HCK: variants seen among roughly 807,000 people sequenced by gnomAD.
The protein encoded by HCK is HCK proto-oncogene, Src family tyrosine kinase, also known as tyrosine-protein kinase HCK.
HCK carries 40 observed loss-of-function variants against 70.4 expected under a neutral mutation model. The ratio of observed to expected loss-of-function variants is 0.57; its 90% CI spans 0.44 to 0.74. The LOEUF is 0.74. Among genes scored for constraint, HCK ranks in the 30% least tolerant of loss-of-function variants. HCK has a pLI of 0.00. For synonymous variants in HCK, 245 were observed against 263.2 expected (o/e 0.93, Z 0.67); for missense variants, 568 against 697.2 (o/e 0.81, Z 2.09).
intron 1 of HCK, 151 bp from the exon 2 acceptor site, chr20:32,071,510 GA>G: frequency 1.1e-6 from 1 of 925,366 alleles, no homozygotes; most frequent in Non-Finnish European, 1.7e-6. Flanking sequence ...ATGTGGGGAG[GA>G]TAAGGGTGCA....
At chr20:32,101,013 A>T (rs1569019719) in intron 12 of HCK, among the ~76,000 whole-genome samples, 1 of 152,214 alleles carries the variant, frequency 6.6e-6, no homozygotes, top group Non-Finnish European at 1.5e-5. Context: ...AGTATCTCAC[A>T]GTGTTCAAAG....
intron 11 of HCK, among the ~76,000 whole-genome samples, chr20:32,096,389 C>T (rs376837308): frequency 6.7e-6 from 1 of 150,230 alleles, no homozygotes; most frequent in African/African-American, 2.4e-5. Context: ...CCCAGCTACT[C>T]GGGAGGCTGA....
At chr20:32,087,743 G>A (rs928278784) in intron 9 of HCK, among the ~76,000 whole-genome samples, 2 of 151,930 alleles carry the variant, frequency 1.3e-5, no homozygotes, top group African/African-American at 2.4e-5. Flanking sequence ...CCAGGTTCAC[G>A]CCATTCTCCT....
intron 11 of HCK, among the ~76,000 whole-genome samples, chr20:32,094,839 A>C (rs1211938253): frequency 2.0e-5 from 3 of 147,764 alleles, no homozygotes; most frequent in African/African-American, 7.4e-5. Flanking sequence ...GAAAGAAAGA[A>C]AGAAAGAAAG....
chr20:32,084,299 G>T, intron 7 of HCK, 92 bp from the exon 8 acceptor site: 1 of 1,353,082 alleles, frequency 7.4e-7, no homozygotes. Context: ...ACACTGGAGA[G>T]ATCCAGTGGA....
At chr20:32,073,904 T>G in intron 4 of HCK, 86 bp downstream of exon 4, 2 of 744,316 alleles carry the variant, frequency 2.7e-6, no homozygotes, top group Non-Finnish European at 4.8e-6. Flanking sequence ...AAGAACCTGA[T>G]AGATGGGCTA....
At chr20:32,098,863 G>C (rs2045992824) in intron 11 of HCK, 141 bp from the exon 12 acceptor site, 9 of 862,058 alleles carry the variant, frequency 1.0e-5, no homozygotes, top group Non-Finnish European at 1.6e-5. Context: ...TGCTTCCACA[G>C]GGAGGCCACG....
At chr20:32,054,897 A>T (rs925805306) in intron 1 of HCK, among the ~76,000 whole-genome samples, 5 of 152,230 alleles carry the variant, frequency 3.3e-5, no homozygotes, top group African/African-American at 1.2e-4. Context: ...GCCCCATCTT[A>T]TCATTAAGTT....
chr20:32,078,031 G>T (rs242601), intron 5 of HCK, among the ~76,000 whole-genome samples: 66,821 of 150,302 alleles, frequency 0.44, 16,903 homozygotes, highest in African/African-American at 0.7. Context: ...GGTTTTTTTT[G>T]TTTGTTTGTT....
At chr20:32,078,438 T>C (rs1600725759) in intron 5 of HCK, among the ~76,000 whole-genome samples, 2 of 152,074 alleles carry the variant, frequency 1.3e-5, no homozygotes, top group South Asian at 4.1e-4. Context: ...ATGAGCAACA[T>C]AGCATGGTGA....
chr20:32,084,134 T>A, intron 7 of HCK, 91 bp downstream of exon 7: 4 of 1,395,696 alleles, frequency 2.9e-6, no homozygotes, highest in Non-Finnish European at 3.9e-6. Flanking sequence ...ACCTGCTGTG[T>A]CCTTCTTGGC....
chr20:32,071,844 A>T (rs1290264309), intron 2 of HCK, 62 bp downstream of exon 2: 21 of 1,576,154 alleles, frequency 1.3e-5, no homozygotes, highest in Non-Finnish European at 1.8e-5. Context: ...CATTGCCCTA[A>T]CAGCCTCCTG....
chr20:32,092,697 C>A (rs980271298), intron 10 of HCK, among the ~76,000 whole-genome samples: 1 of 152,048 alleles, frequency 6.6e-6, no homozygotes, highest in Non-Finnish European at 1.5e-5. Context: ...AACTTCAACT[C>A]TCCCCACTCT....
At chr20:32,071,590 T>A in intron 1 of HCK, 72 bp from the exon 2 acceptor site, 1 of 1,574,146 alleles carries the variant, frequency 6.4e-7, no homozygotes, top group African/African-American at 1.4e-5. Context: ...GGACCTGGAA[T>A]GCCAGCATCA....
intron 7 of HCK, 119 bp downstream of exon 7, chr20:32,084,162 G>T: frequency 8.3e-7 from 1 of 1,201,278 alleles, no homozygotes; most frequent in Non-Finnish European, 1.2e-6. Context: ...TAGACAGATA[G>T]TTGCTTTGGA....
intron 11 of HCK, among the ~76,000 whole-genome samples, chr20:32,095,073 A>G (rs1367155266): frequency 6.6e-6 from 1 of 152,248 alleles, no homozygotes; most frequent in South Asian, 2.1e-4. Context: ...ATGTCCATCA[A>G]TTGATGAACA....
chr20:32,101,549 G>A lies in HCK; in HGVS notation c.*30G>A. The stretch of plus-strand genomic sequence containing the variant: ...GAGGACCAGGGCAGGGCCAGGGGGT[G>A]CCCAGGTGGTGGCTGCAAGGTGGCT... On this transcript the variant is annotated 3_prime_UTR_variant, in exon 13 of 13. Coordinates refer to ENST00000375852, the MANE Select transcript of HCK (RefSeq NM_002110.5). 1 of 1,584,640 alleles carries A rather than the reference G, an allele frequency of 6.3e-7. No homozygotes were observed. Among genetic ancestry groups the A allele is most frequent in the Non-Finnish European group, 8.6e-7 (1 of 1,161,144 alleles).
chr20:32,063,497 C>A (rs749691379), intron 1 of HCK, among the ~76,000 whole-genome samples: 20 of 152,136 alleles, frequency 1.3e-4, no homozygotes, highest in South Asian at 2.1e-4. Flanking sequence ...AATCCTCCCA[C>A]CTCAGCCTCC....
chr20:32,083,697 G>A (rs753654022), intron 6 of HCK, among the ~76,000 whole-genome samples, 197 bp from the exon 7 acceptor site: 2 of 152,222 alleles, frequency 1.3e-5, no homozygotes, highest in Non-Finnish European at 2.9e-5. Flanking sequence ...ACATGGCCAA[G>A]GTCTCACGGG....
Sources: gnomAD v4.1 joint callset for allele counts (sites outside exome capture counted in the v4.1 genomes callset) on GRCh38, gnomAD v4.1.1 for gene constraint, MANE v1.5 for transcripts, NCBI Gene and HGNC (gene_info 2026-07-23, HGNC 2026-07-21) for gene names.